The following SLC13A3 variants were observed in gnomAD, a reference collection of about 807,000 sequenced individuals.
The protein encoded by SLC13A3 is Na(+)/dicarboxylate cotransporter 3.
A neutral mutation model predicts 59.0 loss-of-function variants in SLC13A3; 40 were observed. The ratio of observed to expected loss-of-function variants is 0.68; its 90% CI spans 0.53 to 0.88. SLC13A3 has a LOEUF of 0.88. Ranked by LOEUF, SLC13A3 falls within the 40% of genes least tolerant of loss-of-function variation. The probability of loss-of-function intolerance (pLI) is 0.00; values close to 1 mark genes in which losing one functional copy is unlikely to be tolerated. For missense variants in SLC13A3, 699 were observed against 783.2 expected, an observed-to-expected ratio of 0.89 and a Z score of 1.28; for synonymous variants, 317 against 330.3, an observed-to-expected ratio of 0.96 and a Z score of 0.44.
rs1204148322 is a variant in SLC13A3 at position 46,575,636 on chromosome 20, C to A, written c.1269G>T (p.Glu423Asp). 6.2e-7 allele frequency: 1 copy of A among 1,605,882 alleles called. No homozygotes were observed. The highest frequency in any genetic ancestry group is 8.5e-7 in the Non-Finnish European group (1 of 1,176,076). ...EPLLTWKKAQ[E>D]TVPWNIILLL... Reference sequence around the variant, plus strand: ...GAAGGATGATGTTCCAGGGCACTGTCTCCTGGGCCTTCTTCCAGGTCAGCA... The same window carrying A: ...GAAGGATGATGTTCCAGGGCACTGTATCCTGGGCCTTCTTCCAGGTCAGCA... Residue 423 changes from glutamate to aspartate, a missense_variant, in exon 10 of 13, where the codon GAG (glutamate) becomes GAT (aspartate). Coordinates refer to ENST00000279027, the MANE Select transcript of SLC13A3 (RefSeq NM_022829.6).
rs1451646015 is a variant in SLC13A3, at chr20:46,631,736, G to A, written c.112-18011C>T. ...AGCTTCTCAGGCTTAGCCAATACACGACCACAGGGATTAAAGCCTGCAAGC... is the reference window on the plus strand; with the variant it reads ...AGCTTCTCAGGCTTAGCCAATACACAACCACAGGGATTAAAGCCTGCAAGC... On this transcript the variant is annotated intron_variant, in intron 1 of 12. Coordinates refer to ENST00000279027, the MANE Select transcript of SLC13A3 (RefSeq NM_022829.6). Among the ~76,000 whole-genome samples the A allele has an allele frequency of 3.9e-5, 6 of 152,000 alleles. No homozygotes were observed. In the East Asian group the frequency reaches 5.8e-4, roughly 15 times the overall value.
rs2061915599 is a variant in SLC13A3, at chr20:46,559,800, C to T, written c.*222G>A. 1.9e-6 allele frequency: 1 copy of T among 512,852 alleles called. No individual in the cohort carries two copies. Among genetic ancestry groups the T allele is most frequent in the Non-Finnish European group, 3.5e-6 (1 of 288,298 alleles). The allele number at this position is 512,852 out of a possible 1,614,324, so 31.8% of individuals were successfully genotyped here. A position where few individuals can be genotyped will look rare whatever the true frequency, so the allele number is the denominator to read the frequency against. On this transcript the variant is annotated 3_prime_UTR_variant, in exon 13 of 13. Coordinates refer to ENST00000279027, the MANE Select transcript of SLC13A3 (RefSeq NM_022829.6). ...CTGATAAAGGAGCTTATTTCTCAGG[C>T]AGCAGATCTGAGAGATACCTGGGCT...
At chr20:46,570,886 G>T (rs1265919593) in intron 10 of SLC13A3, among the ~76,000 whole-genome samples, 1 of 152,146 alleles carries the variant, frequency 6.6e-6, no homozygotes, top group East Asian at 1.9e-4. Context: ...TAAAATGAGG[G>T]TAATAATAAT....
At chr20:46,565,799 G>A (rs936129920) in intron 11 of SLC13A3, among the ~76,000 whole-genome samples, 3 of 152,164 alleles carry the variant, frequency 2.0e-5, no homozygotes, top group Non-Finnish European at 2.9e-5. Context: ...TGTAGTGCAC[G>A]GATCAGCCCC....
chr20:46,634,145 C>T (rs960707303), intron 1 of SLC13A3, among the ~76,000 whole-genome samples: 1 of 152,190 alleles, frequency 6.6e-6, no homozygotes, highest in African/African-American at 2.4e-5. Context: ...GTGTCTTCAG[C>T]TCTTCCCAGG....
chr20:46,651,719 T>A (rs985799449), upstream of SLC13A3, among the ~76,000 whole-genome samples: 2 of 152,214 alleles, frequency 1.3e-5, no homozygotes, highest in Non-Finnish European at 2.9e-5. Context: ...TATCCTCTCC[T>A]CGCCTCTGTT....
chr20:46,636,272 C>T (rs1385675791), intron 1 of SLC13A3, among the ~76,000 whole-genome samples: 1 of 152,200 alleles, frequency 6.6e-6, no homozygotes, highest in Non-Finnish European at 1.5e-5. Flanking sequence ...ATAGATCTTG[C>T]TTATTTATCC....
chr20:46,644,914 A>G (rs1254218418), intron 1 of SLC13A3, among the ~76,000 whole-genome samples: 1 of 152,190 alleles, frequency 6.6e-6, no homozygotes, highest in Non-Finnish European at 1.5e-5. Flanking sequence ...CCATGTATTC[A>G]TCTTTTCTTG....
intron 1 of SLC13A3, among the ~76,000 whole-genome samples, chr20:46,624,848 C>G (rs1776428936): frequency 6.6e-6 from 1 of 152,078 alleles, no homozygotes; most frequent in African/African-American, 2.4e-5. Flanking sequence ...AAAATCCTGC[C>G]TAAGAGGTCT....
At chr20:46,655,871 G>GTA (rs1323692359), upstream of SLC13A3, among the ~76,000 whole-genome samples, 3 of 138,312 alleles carry the variant, frequency 2.2e-5, no homozygotes, top group African/African-American at 5.4e-5. Flanking sequence ...ATACTGTACA[G>GTA]TATATATTAT....
At chr20:46,593,979 C>T (rs1256893659) in intron 5 of SLC13A3, among the ~76,000 whole-genome samples, 1 of 151,810 alleles carries the variant, frequency 6.6e-6, no homozygotes, top group African/African-American at 2.4e-5. Flanking sequence ...CAGAATAAAC[C>T]AATAAAATGT....
In SLC13A3 at chr20:46,651,372, A is replaced by C; in HGVS notation, c.50T>G (p.Leu17Arg). ...GAGCGGCGTGAACAGCAGCACCAGC[A>C]GCCGCCGCGCGCTCCACACCTTCTT... ...AAKKVWSARR[L>R]LVLLFTPLAL... The change falls in exon 1 of 13, where the codon CTG (leucine) becomes CGG (arginine). Residue 17 changes from leucine to arginine, a missense_variant. By Grantham distance (102) the Leu-to-Arg change is moderately radical (BLOSUM62 -2). Coordinates refer to ENST00000279027, the MANE Select transcript of SLC13A3 (RefSeq NM_022829.6). 1 of 1,510,198 alleles carries C rather than the reference A, an allele frequency of 6.6e-7. No homozygotes were observed. The highest frequency in any genetic ancestry group is 2.7e-5 in the East Asian group (1 of 36,568). 93.5% of individuals were successfully genotyped at this position (1,510,198 alleles called of 1,614,324 possible).
intron 2 of SLC13A3, among the ~76,000 whole-genome samples, chr20:46,612,318 A>G (rs967649050): frequency 1.3e-5 from 2 of 151,788 alleles, no homozygotes; most frequent in Non-Finnish European, 2.9e-5. Context: ...TTTTTGGTAG[A>G]GACAGGGGTT....
intron 1 of SLC13A3, among the ~76,000 whole-genome samples, chr20:46,641,146 A>C (rs529939080): frequency 2.0e-4 from 31 of 152,298 alleles, no homozygotes; most frequent in Admixed American, 1.8e-3. Context: ...CAGTCTTCCC[A>C]GCTCAAAATA....
At chr20:46,614,349 G>T (rs2062534079) in intron 1 of SLC13A3, among the ~76,000 whole-genome samples, 1 of 152,206 alleles carries the variant, frequency 6.6e-6, no homozygotes, top group Non-Finnish European at 1.5e-5. Flanking sequence ...CCAACTCCTG[G>T]CCATCATTGG....
At chr20:46,563,580 GGA>G (rs2061952200) in intron 11 of SLC13A3, 29 bp from the exon 12 acceptor site, 1 of 1,606,202 alleles carries the variant, frequency 6.2e-7, no homozygotes, top group African/African-American at 1.3e-5. Context: ...GGAGAGACCC[GGA>G]GAGAGACCAA....
chr20:46,583,058 C>G, intron 9 of SLC13A3: 1 of 985,828 alleles, frequency 1.0e-6, no homozygotes, highest in Non-Finnish European at 1.2e-6. Context: ...CAAGGTGCAA[C>G]TCCTGCTTTG....
intron 3 of SLC13A3, among the ~76,000 whole-genome samples, chr20:46,603,983 G>A (rs1417525444): frequency 2.1e-5 from 3 of 141,820 alleles, no homozygotes; most frequent in Non-Finnish European, 3.0e-5. Flanking sequence ...AGAGCAAGAC[G>A]CCATCTCAAA....
intron 1 of SLC13A3, among the ~76,000 whole-genome samples, chr20:46,676,699 GC>G (rs2063128381): frequency 6.6e-6 from 1 of 150,832 alleles, no homozygotes. Context: ...GATCCTTCCC[GC>G]CTCAGCCTCC....
Sources: allele counts gnomAD v4.1 joint callset (sites outside exome capture counted in the v4.1 genomes callset), GRCh38; gene constraint gnomAD v4.1.1; transcripts MANE v1.5; gene names NCBI Gene and HGNC (gene_info 2026-07-23, HGNC 2026-07-21).